The following KIAA0319L variants were observed in gnomAD, a reference collection of about 807,000 sequenced individuals.
KIAA0319L encodes the protein dyslexia-associated protein KIAA0319-like protein.
Under a neutral mutation model 120.1 loss-of-function variants are expected in KIAA0319L, and 55 were observed. The ratio of observed to expected loss-of-function variants is 0.46; its 90% confidence interval spans 0.37 to 0.57. The LOEUF is 0.57. Ranked by LOEUF, KIAA0319L falls within the 20% of genes least tolerant of loss-of-function variation. The pLI is 0.00. For synonymous variants in KIAA0319L, 398 were observed against 471.9 expected (o/e 0.84, Z 2.03); for missense variants, 1,049 against 1,255.3 (o/e 0.84, Z 2.48).
At chr1:35,550,114 A>G (rs1647144294) in intron 2 of KIAA0319L, among the ~76,000 whole-genome samples, 1 of 152,256 alleles carries the variant, frequency 6.6e-6, no homozygotes, top group South Asian at 2.1e-4. Flanking sequence ...ACCATCTTTT[A>G]TCAAATTGTA....
intron 2 of KIAA0319L, 115 bp from the exon 3 acceptor site, chr1:35,507,250 G>A: frequency 9.9e-7 from 1 of 1,012,574 alleles, no homozygotes; most frequent in South Asian, 1.9e-5. Flanking sequence ...TTTTAAGAGG[G>A]TGAGAAAGCC....
intron 2 of KIAA0319L, among the ~76,000 whole-genome samples, chr1:35,532,298 G>A (rs979470370): frequency 2.0e-5 from 3 of 151,028 alleles, no homozygotes; most frequent in Admixed American, 6.6e-5. Context: ...TGTTTAATTC[G>A]TGGGATTTTG....
At chr1:35,555,693 G>A (rs190762653) in intron 1 of KIAA0319L, among the ~76,000 whole-genome samples, 1 of 152,172 alleles carries the variant, frequency 6.6e-6, no homozygotes, top group South Asian at 2.1e-4. Flanking sequence ...CTCCCAAGAG[G>A]GAACGAGTGA....
At chr1:35,495,245 C>A (rs1231812233) in intron 3 of KIAA0319L, among the ~76,000 whole-genome samples, 1 of 152,010 alleles carries the variant, frequency 6.6e-6, no homozygotes, top group Admixed American at 6.6e-5. Flanking sequence ...TGGTGGTGCA[C>A]ACCTGTAGTC....
chr1:35,541,473 C>T (rs1646789940), intron 2 of KIAA0319L, among the ~76,000 whole-genome samples: 1 of 151,514 alleles, frequency 6.6e-6, no homozygotes, highest in East Asian at 1.9e-4. Flanking sequence ...CCTCAGCCTC[C>T]TGAGTAGCTG....
chr1:35,516,984 G>A (rs1392932948), intron 2 of KIAA0319L, among the ~76,000 whole-genome samples: 1 of 151,782 alleles, frequency 6.6e-6, no homozygotes, highest in Non-Finnish European at 1.5e-5. Context: ...AAATACCTAG[G>A]AATACAGGTA....
At chr1:35,445,683 T>C (rs1420558750) in intron 16 of KIAA0319L, among the ~76,000 whole-genome samples, 1 of 152,218 alleles carries the variant, frequency 6.6e-6, no homozygotes, top group Non-Finnish European at 1.5e-5. Context: ...GTGAAGTAAC[T>C]TTCCCACAGA....
At chr1:35,539,501 A>G (rs912838567) in intron 2 of KIAA0319L, among the ~76,000 whole-genome samples, 3 of 152,234 alleles carry the variant, frequency 2.0e-5, no homozygotes, top group Non-Finnish European at 4.4e-5. Context: ...CACAGCTGAG[A>G]GCAATTTTGA....
intron 16 of KIAA0319L, among the ~76,000 whole-genome samples, chr1:35,445,509 G>A (rs762686979): frequency 6.6e-6 from 1 of 152,114 alleles, no homozygotes; most frequent in Non-Finnish European, 1.5e-5. Context: ...CTACCCCAGA[G>A]CTTCAACAGA....
chr1:35,538,367 G>C (rs924904528), intron 2 of KIAA0319L, among the ~76,000 whole-genome samples: 1 of 151,976 alleles, frequency 6.6e-6, no homozygotes, highest in African/African-American at 2.4e-5. Context: ...GAGGCTGGCG[G>C]ATTGCCTGAG....
chr1:35,494,596 A>G (rs1317445025), intron 3 of KIAA0319L, among the ~76,000 whole-genome samples: 1 of 151,806 alleles, frequency 6.6e-6, no homozygotes, highest in Admixed American at 6.6e-5. Context: ...GGAGTTTGAG[A>G]CCAGCCTGCG....
At chr1:35,501,832 C>T (rs1295844508) in intron 3 of KIAA0319L, among the ~76,000 whole-genome samples, 4 of 148,560 alleles carry the variant, frequency 2.7e-5, no homozygotes, top group East Asian at 2.0e-4. Flanking sequence ...GAGCCAAGAT[C>T]GCACCATTGC....
chr1:35,435,876 G>A (rs1166342943), intron 20 of KIAA0319L, among the ~76,000 whole-genome samples: 2 of 152,184 alleles, frequency 1.3e-5, no homozygotes, highest in Non-Finnish European at 2.9e-5. Flanking sequence ...TCTGGCTGGT[G>A]CAAAAACTCC....
chr1:35,512,267 C>CA lies in KIAA0319L; in HGVS notation c.143-5133dup, dbSNP rs562525602. ...TGGACAACAGAGCAAGACTCTGTCT[C>CA]AAAAAAAATAAATAAATAAAATAAA... is the stretch of plus-strand genomic sequence containing the variant. On this transcript the variant is annotated intron_variant, in intron 2 of 20. Coordinates refer to ENST00000325722, the MANE Select transcript of KIAA0319L (RefSeq NM_024874.5). 7.2e-3 allele frequency among the ~76,000 whole-genome samples: 758 copies of CA among 105,352 alleles called. 4 individuals are homozygous for CA. Among genetic ancestry groups the CA allele is most frequent in the Middle Eastern group, 0.037 (5 of 136 alleles). The allele number at this position is 105,352 out of a possible 152,430, so 69.1% of individuals were successfully genotyped here.
chr1:35,521,999 AGAAG>A (rs959849807), intron 2 of KIAA0319L, among the ~76,000 whole-genome samples: 15 of 152,202 alleles, frequency 9.9e-5, no homozygotes, highest in Middle Eastern at 3.4e-3. Flanking sequence ...AAATAAATAA[AGAAG>A]GAAGGAAGAT....
intron 2 of KIAA0319L, among the ~76,000 whole-genome samples, chr1:35,539,230 A>G (rs1646701666): frequency 6.6e-6 from 1 of 152,204 alleles, no homozygotes; most frequent in African/African-American, 2.4e-5. Flanking sequence ...AGTGGAGGCG[A>G]AACAGCTCAA....
At chr1:35,463,868 G>A (rs905166320) in intron 7 of KIAA0319L, among the ~76,000 whole-genome samples, 3 of 152,132 alleles carry the variant, frequency 2.0e-5, no homozygotes, top group Non-Finnish European at 4.4e-5. Context: ...CTGTTCTCAT[G>A]ATAGTGAATG....
At chr1:35,551,643 T>G (rs904456280) in intron 2 of KIAA0319L, among the ~76,000 whole-genome samples, 2 of 151,862 alleles carry the variant, frequency 1.3e-5, no homozygotes, top group African/African-American at 4.9e-5. Context: ...TATTAGGATA[T>G]TCCTTTTAAA....
At chr1:35,480,458 C>T (rs1023794320) in intron 3 of KIAA0319L, among the ~76,000 whole-genome samples, 2 of 151,932 alleles carry the variant, frequency 1.3e-5, no homozygotes, top group Admixed American at 6.6e-5. Flanking sequence ...TAATGAGTAG[C>T]GAAACAAGGG....
Sources: gnomAD v4.1 joint callset for allele counts (sites outside exome capture counted in the v4.1 genomes callset) on GRCh38, gnomAD v4.1.1 for gene constraint, MANE v1.5 for transcripts, NCBI Gene and HGNC (gene_info 2026-07-23, HGNC 2026-07-21) for gene names.